Variants in CDH12 observed in about 807,000 individuals in gnomAD.
The protein encoded by CDH12 is cadherin 12, also known as cadherin-12.
Under a neutral mutation model 74.1 loss-of-function variants are expected in CDH12, and 41 were observed. That is an observed-to-expected ratio of 0.55 (90% confidence interval 0.43 to 0.72). The LOEUF (loss-of-function observed/expected upper bound fraction) is 0.72. Ranked by LOEUF, CDH12 falls within the 30% of genes least tolerant of loss-of-function variation. The pLI is 0.00. For synonymous variants in CDH12, 399 were observed against 355.0 expected (o/e 1.12, Z -1.39); for missense variants, 945 against 977.2 (o/e 0.97, Z 0.44).
intron 2 of CDH12, among the ~76,000 whole-genome samples, chr5:22,452,891 A>AT (rs1412404217): frequency 1.4e-5 from 2 of 147,296 alleles, no homozygotes; most frequent in Non-Finnish European, 3.0e-5. Context: ...AAAAAAAAAA[A>AT]AAAAAAAAAA....
At chr5:21,915,822 C>CTGTG (rs36126825) in intron 6 of CDH12, among the ~76,000 whole-genome samples, 54,614 of 139,874 alleles carry the variant, frequency 0.39, 11,956 homozygotes, top group East Asian at 0.72. Flanking sequence ...ATCATTTGTG[C>CTGTG]TGTGTGTGTG....
intron 1 of CDH12, among the ~76,000 whole-genome samples, chr5:22,614,399 G>T (rs1737578016): frequency 1.4e-4 from 7 of 49,814 alleles, no homozygotes; most frequent in Admixed American, 1.4e-3. Context: ...CCTACCTGAA[G>T]GATCAGGAAA....
intron 2 of CDH12, among the ~76,000 whole-genome samples, chr5:22,476,592 G>A (rs1266532550): frequency 6.6e-6 from 1 of 151,888 alleles, no homozygotes; most frequent in East Asian, 1.9e-4. Context: ...ACATAGTATT[G>A]TCGTAAATTA....
intron 1 of CDH12, among the ~76,000 whole-genome samples, chr5:22,718,232 A>G (rs1205511751): frequency 1.3e-5 from 2 of 152,238 alleles, no homozygotes; most frequent in African/African-American, 4.8e-5. Context: ...TTTGTGCCTT[A>G]GCCTGAAAAA....
intron 3 of CDH12, among the ~76,000 whole-genome samples, chr5:22,302,980 A>G (rs1737956258): frequency 2.6e-5 from 4 of 152,150 alleles, no homozygotes; most frequent in African/African-American, 9.6e-5. Context: ...TGGTTGAATA[A>G]CTAAGAAGTG....
At chr5:22,351,364 C>T (rs943909876) in intron 3 of CDH12, among the ~76,000 whole-genome samples, 1 of 152,110 alleles carries the variant, frequency 6.6e-6, no homozygotes, top group African/African-American at 2.4e-5. Flanking sequence ...GATGGCCCTG[C>T]CAAGCCAGCC....
At chr5:22,300,797 T>G (rs868432990) in intron 3 of CDH12, among the ~76,000 whole-genome samples, 1 of 152,232 alleles carries the variant, frequency 6.6e-6, no homozygotes, top group Non-Finnish European at 1.5e-5. Context: ...AGGTTTGGTG[T>G]TGTTCTGATG....
At chr5:22,340,857 A>G (rs188449880) in intron 3 of CDH12, among the ~76,000 whole-genome samples, 1 of 152,316 alleles carries the variant, frequency 6.6e-6, no homozygotes, top group Non-Finnish European at 1.5e-5. Context: ...ATAACTTGGA[A>G]TACTGAAGAA....
Position 22,431,369 on chromosome 5 carries a change from C to T in CDH12, c.-427-26018G>A, listed in dbSNP as rs568448864. On this transcript the variant is annotated intron_variant, in intron 2 of 14. Coordinates refer to ENST00000382254, the MANE Select transcript of CDH12 (RefSeq NM_004061.5). ...CATCATAACATTTCAGCACAAAGCA[C>T]TACTCATGTATTTGTGGCGATGCTG... is the stretch of plus-strand genomic sequence containing the variant. Among the ~76,000 whole-genome samples the T allele has an allele frequency of 9.9e-5, 15 of 152,284 alleles. No homozygotes were observed. In the East Asian group the frequency reaches 2.9e-3, roughly 29 times the overall value.
chr5:22,337,038 T>G (rs183254334), intron 3 of CDH12, among the ~76,000 whole-genome samples: 2 of 152,200 alleles, frequency 1.3e-5, no homozygotes, highest in African/African-American at 4.8e-5. Context: ...AAGTGTGACC[T>G]GAATGGGAGA....
chr5:22,417,736 A>G (rs1391670254), intron 2 of CDH12, among the ~76,000 whole-genome samples: 3 of 152,222 alleles, frequency 2.0e-5, no homozygotes, highest in Non-Finnish European at 4.4e-5. Flanking sequence ...TGAAATATAT[A>G]AAGAAAATAT....
chr5:22,586,915 C>T (rs1740433831), intron 1 of CDH12, among the ~76,000 whole-genome samples: 3 of 140,814 alleles, frequency 2.1e-5, no homozygotes, highest in South Asian at 2.2e-4. Flanking sequence ...GGTGTGGTCT[C>T]GGGTCACTGC....
intron 5 of CDH12, among the ~76,000 whole-genome samples, chr5:22,039,845 T>C (rs1392045600): frequency 1.3e-5 from 2 of 151,808 alleles, no homozygotes; most frequent in African/African-American, 4.8e-5. Flanking sequence ...TGTGAAAGCC[T>C]GTCTGTAAAG....
chr5:22,716,279 C>A (rs1372172469), intron 1 of CDH12, among the ~76,000 whole-genome samples: 1 of 152,042 alleles, frequency 6.6e-6, no homozygotes, highest in Non-Finnish European at 1.5e-5. Context: ...TGGTGAAGGG[C>A]AAGATGAGAA....
rs542402846 is a variant in CDH12, at chr5:22,709,689, T to A, written c.-523+143369A>T. 3.6e-4 allele frequency among the ~76,000 whole-genome samples: 55 copies of A among 152,212 alleles called. 2 individuals carry two copies. The South Asian group carries it at 0.011, about 32-fold the overall frequency. On this transcript the variant is annotated intron_variant, in intron 1 of 14. Transcript: ENST00000382254. ...CAATAGATGTTAAGTTAAAAATGAGTAGCCCATCAAAAAATGAACACCCAT... is the reference window on the plus strand; with the variant it reads ...CAATAGATGTTAAGTTAAAAATGAGAAGCCCATCAAAAAATGAACACCCAT...
chr5:22,606,727 G>T (rs1300696378), intron 1 of CDH12, among the ~76,000 whole-genome samples: 1 of 152,060 alleles, frequency 6.6e-6, no homozygotes, highest in African/African-American at 2.4e-5. Flanking sequence ...ACATTAAATT[G>T]GTACCAGGAG....
At chr5:22,307,368 A>C (rs1580505276) in intron 3 of CDH12, among the ~76,000 whole-genome samples, 1 of 152,288 alleles carries the variant, frequency 6.6e-6, no homozygotes, top group Middle Eastern at 3.4e-3. Context: ...TGTTTTTACT[A>C]AGTTGTGATT....
intron 5 of CDH12, among the ~76,000 whole-genome samples, chr5:22,049,798 A>C (rs1740226338): frequency 6.6e-6 from 1 of 151,956 alleles, no homozygotes; most frequent in South Asian, 2.1e-4. Flanking sequence ...CTTTTGAGAG[A>C]CTTCATATTT....
chr5:22,011,603 C>A (rs1461109362), intron 5 of CDH12, among the ~76,000 whole-genome samples: 1 of 152,190 alleles, frequency 6.6e-6, no homozygotes, highest in East Asian at 1.9e-4. Context: ...GAAACTAATT[C>A]TTCTTGGCAT....
Sources: allele counts gnomAD v4.1 joint callset (sites outside exome capture counted in the v4.1 genomes callset), GRCh38; gene constraint gnomAD v4.1.1; transcripts MANE v1.5; gene names NCBI Gene and HGNC (gene_info 2026-07-23, HGNC 2026-07-21).